The following FAM120B variants were observed in gnomAD, a reference collection of about 807,000 sequenced individuals.
FAM120B encodes family with sequence similarity 120 member B, also known as constitutive coactivator of peroxisome proliferator-activated receptor gamma.
A neutral mutation model predicts 96.3 loss-of-function variants in FAM120B; 83 were observed. The ratio of observed to expected loss-of-function variants is 0.86; its 90% confidence interval spans 0.72 to 1.03. The LOEUF (loss-of-function observed/expected upper bound fraction) is 1.03, where lower values mean the gene tolerates loss of function less well. FAM120B is among the 50% of genes least tolerant of loss of function. The pLI, the probability that FAM120B is intolerant of heterozygous loss-of-function variation, is 0.00. For synonymous variants in FAM120B, 407 were observed against 402.7 expected (o/e 1.01, Z -0.13); for missense variants, 1,027 against 1,121.2 (o/e 0.92, Z 1.20).
chr6:170,325,051 AT>A (rs1311506114), intron 3 of FAM120B, among the ~76,000 whole-genome samples: 1 of 152,166 alleles, frequency 6.6e-6, no homozygotes, highest in Non-Finnish European at 1.5e-5. Context: ...GGATTTGTCT[AT>A]TTATTCCTTC....
chr6:170,397,217 C>G (rs1457841055), intron 9 of FAM120B, among the ~76,000 whole-genome samples: 3 of 152,328 alleles, frequency 2.0e-5, no homozygotes, highest in Non-Finnish European at 4.4e-5. Flanking sequence ...TCACATGAGC[C>G]ATGGTGAGGG....
At chr6:170,397,139 G>A (rs562666002) in intron 9 of FAM120B, among the ~76,000 whole-genome samples, 1 of 152,140 alleles carries the variant, frequency 6.6e-6, no homozygotes, top group Non-Finnish European at 1.5e-5. Context: ...AGCTGGCCGT[G>A]CACATTAGGG....
intron 1 of FAM120B, among the ~76,000 whole-genome samples, chr6:170,313,247 C>A (rs1450697555): frequency 1.3e-5 from 2 of 152,100 alleles, no homozygotes; most frequent in Non-Finnish European, 2.9e-5. Context: ...TTGGGATTTT[C>A]GGTCCCTGTT....
At chr6:170,333,955 AC>A (rs1328122372) in intron 4 of FAM120B, among the ~76,000 whole-genome samples, 1 of 152,048 alleles carries the variant, frequency 6.6e-6, no homozygotes, top group Non-Finnish European at 1.5e-5. Flanking sequence ...ATGTGTGTCT[AC>A]CCTTTCCCAG....
At chr6:170,400,229 G>A (rs1422963432) in intron 9 of FAM120B, among the ~76,000 whole-genome samples, 3 of 149,576 alleles carry the variant, frequency 2.0e-5, no homozygotes, top group Admixed American at 6.7e-5. Flanking sequence ...GGGGAAGGTA[G>A]AACTATGTCA....
chr6:170,356,212 A>G (rs1332170922), intron 5 of FAM120B, among the ~76,000 whole-genome samples: 1 of 152,230 alleles, frequency 6.6e-6, no homozygotes, highest in Non-Finnish European at 1.5e-5. Flanking sequence ...TTCTATTAAT[A>G]AAGACCTTTT....
At chr6:170,350,690 C>T (rs1013222322) in intron 5 of FAM120B, among the ~76,000 whole-genome samples, 5 of 152,210 alleles carry the variant, frequency 3.3e-5, no homozygotes, top group African/African-American at 1.2e-4. Flanking sequence ...CAAATGGCAA[C>T]AGCCCTACAG....
upstream of FAM120B, among the ~76,000 whole-genome samples, chr6:170,293,258 T>C (rs1783925448): frequency 6.6e-6 from 1 of 152,074 alleles, no homozygotes; most frequent in Admixed American, 6.5e-5. Context: ...GAGGTCAGAA[T>C]CCAGAATCCT....
Position 170,406,296 on chromosome 6 carries a change from G to A in FAM120B, c.*1545G>A, listed in dbSNP as rs1371041391. On this transcript the variant is annotated 3_prime_UTR_variant, in exon 11 of 11. Transcript: ENST00000476287. ...TGCTGGGCCATGCCATGGCTCTGAAGATGCCCCGTGTTCTTAGGAGGTGCT... is the reference window on the plus strand; with the variant it reads ...TGCTGGGCCATGCCATGGCTCTGAAAATGCCCCGTGTTCTTAGGAGGTGCT... 1.3e-5 allele frequency: 2 copies of A among 152,346 alleles called. No homozygotes were observed. Among genetic ancestry groups the A allele is most frequent in the East Asian group, 3.9e-4 (2 of 5,182 alleles). 9.4% of individuals were successfully genotyped at this position (152,346 alleles called of 1,614,324 possible).
upstream of FAM120B, among the ~76,000 whole-genome samples, chr6:170,302,923 T>C (rs994375917): frequency 6.6e-6 from 1 of 152,136 alleles, no homozygotes; most frequent in Non-Finnish European, 1.5e-5. Flanking sequence ...GACCTTGAAG[T>C]AATATTTGAC....
At chr6:170,327,617 C>T (rs1349805806) in intron 3 of FAM120B, among the ~76,000 whole-genome samples, 2 of 149,978 alleles carry the variant, frequency 1.3e-5, no homozygotes, top group African/African-American at 2.5e-5. Context: ...AGGCTTTATA[C>T]ACACTGCACA....
rs1238271074 is a variant in FAM120B at position 170,363,377 on chromosome 6, C to T, written c.2283+5059C>T. Among the ~76,000 whole-genome samples the T allele has an allele frequency of 1.3e-5, 2 of 152,266 alleles. No individual in the cohort carries two copies. Among genetic ancestry groups the T allele is most frequent in the Admixed American group, 6.5e-5 (1 of 15,292 alleles). The stretch of plus-strand genomic sequence containing the variant: ...AAGATTCCCCTGCATGTGGCTGCCT[C>T]GTACCCACCGCTGTCCCTGGTGTGC... On this transcript the variant is annotated intron_variant, in intron 6 of 10. Transcript: ENST00000476287. This position sits in a 1 kb window ranked among gnomAD's most constrained non-coding sequence, Gnocchi z 4.5.
upstream of FAM120B, chr6:170,291,023 T>G (rs1783854758): frequency 1.4e-6 from 1 of 701,692 alleles, no homozygotes; most frequent in Admixed American, 2.0e-5. Flanking sequence ...GCGAGAGCTG[T>G]CACAAAGGAG....
intron 6 of FAM120B, among the ~76,000 whole-genome samples, chr6:170,380,254 T>C (rs1331632431): frequency 1.3e-5 from 2 of 152,182 alleles, no homozygotes; most frequent in Non-Finnish European, 2.9e-5. Flanking sequence ...CATTCATCAG[T>C]TGATAGATGC....
rs1190111947 is a variant in FAM120B, at chr6:170,330,461, C to G, written c.1928C>G (p.Thr643Ser). Reference protein sequence around the residue: ...LLEDCQDVTSTCLAVKEWFVY... With the variant: ...LLEDCQDVTSSCLAVKEWFVY... ...TCTTTTTCTTCAGATGTCACCAGCA[C>G]CTGCCTAGCTGTCAAGGAGTGGTTT... The change falls in exon 4 of 11, where the codon ACC becomes AGC. Residue 643 changes from threonine to serine, a missense_variant. Thr to Ser is a moderately conservative substitution (Grantham distance 58). This residue lies in a region of FAM120B where 880 missense variants were observed against 980.9 expected (regional missense o/e 0.90). Transcript: ENST00000476287. The G allele has an allele frequency of 6.2e-7, 1 of 1,614,066 alleles. No individual in the cohort carries two copies. Among genetic ancestry groups the G allele is most frequent in the South Asian group, 1.1e-5 (1 of 91,078 alleles).
intron 4 of FAM120B, among the ~76,000 whole-genome samples, chr6:170,332,557 G>A (rs1399672556): frequency 1.3e-5 from 2 of 152,154 alleles, no homozygotes; most frequent in Non-Finnish European, 2.9e-5. Flanking sequence ...AATTAGCTGG[G>A]TGTGGTGGCA....
intron 6 of FAM120B, among the ~76,000 whole-genome samples, chr6:170,385,117 C>G (rs542786630): frequency 6.6e-6 from 1 of 152,312 alleles, no homozygotes; most frequent in Admixed American, 6.5e-5. Flanking sequence ...CAGCAAATTT[C>G]AAACAATTGA....
At chr6:170,291,119 T>G, upstream of FAM120B, 2 of 322,500 alleles carry the variant, frequency 6.2e-6, no homozygotes, top group East Asian at 1.0e-4. Context: ...CCCCCACCCT[T>G]CCCCGCCCCC....
intron 8 of FAM120B, among the ~76,000 whole-genome samples, chr6:170,395,123 A>G (rs1318303469): frequency 6.6e-6 from 1 of 152,172 alleles, no homozygotes; most frequent in African/African-American, 2.4e-5. Flanking sequence ...GTGCTGCTCC[A>G]TGCCTCAACC....
Sources: allele counts gnomAD v4.1 joint callset (sites outside exome capture counted in the v4.1 genomes callset), GRCh38; gene constraint gnomAD v4.1.1; regional missense constraint gnomAD v4.1.1; non-coding constraint Gnocchi (gnomAD v3.1); transcripts MANE v1.5; gene names NCBI Gene and HGNC (gene_info 2026-07-23, HGNC 2026-07-21).